Variants in FHOD3 observed in about 807,000 individuals in gnomAD.
The protein encoded by FHOD3 is FH1/FH2 domain-containing protein 3.
Under a neutral mutation model 173.0 loss-of-function variants are expected in FHOD3, and 90 were observed. The ratio of observed to expected loss-of-function variants is 0.52; its 90% CI spans 0.44 to 0.62. The LOEUF (loss-of-function observed/expected upper bound fraction) is 0.62, where lower values mean the gene tolerates loss of function less well. Among genes scored for constraint, FHOD3 ranks in the 20% least tolerant of loss-of-function variants. The pLI is 0.00. For synonymous variants in FHOD3, 828 were observed against 823.0 expected (o/e 1.01, Z -0.10); for missense variants, 1,945 against 2,034.7 (o/e 0.96, Z 0.85).
At chr18:36,573,117 T>C (rs539713964) in intron 5 of FHOD3, among the ~76,000 whole-genome samples, 1 of 151,626 alleles carries the variant, frequency 6.6e-6, no homozygotes, top group South Asian at 2.1e-4. Context: ...CAAAAGCATG[T>C]AACACCTCAC....
intron 1 of FHOD3, among the ~76,000 whole-genome samples, chr18:36,342,071 C>G (rs1337046215): frequency 1.3e-5 from 2 of 151,700 alleles, no homozygotes; most frequent in Non-Finnish European, 2.9e-5. Context: ...TTAGAAATGA[C>G]AAATACAAAA....
intron 4 of FHOD3, among the ~76,000 whole-genome samples, chr18:36,506,315 TAGCATGAAGGATGTTC>T (rs1156849289): frequency 1.7e-4 from 26 of 152,306 alleles, no homozygotes; most frequent in South Asian, 6.2e-4. Flanking sequence ...AAAAGCAGTT[TAGCATGAAGGATGTTC>T]AGCATGAAGG....
chr18:36,708,999 C>T (rs1600347277), intron 17 of FHOD3, 96 bp from the exon 18 acceptor site: 1 of 1,444,488 alleles, frequency 6.9e-7, no homozygotes, highest in East Asian at 2.3e-5. Flanking sequence ...GGACATCTGT[C>T]CACCACAGAG....
chr18:36,509,738 C>A (rs893367748), intron 4 of FHOD3, among the ~76,000 whole-genome samples: 1 of 152,160 alleles, frequency 6.6e-6, no homozygotes, highest in Non-Finnish European at 1.5e-5. Flanking sequence ...TTAAAGTTCT[C>A]TGATTTGAAA....
intron 5 of FHOD3, among the ~76,000 whole-genome samples, chr18:36,519,500 G>T (rs1465152204): frequency 6.6e-6 from 1 of 152,128 alleles, no homozygotes. Context: ...TGGTTTGGAG[G>T]CTCCTCGCTG....
chr18:36,385,102 C>T (rs1265640974), intron 3 of FHOD3, among the ~76,000 whole-genome samples: 1 of 152,176 alleles, frequency 6.6e-6, no homozygotes, highest in Non-Finnish European at 1.5e-5. Context: ...CTTCCATAAC[C>T]AGAACTGGAT....
chr18:36,453,923 C>G (rs1355108302), intron 3 of FHOD3, among the ~76,000 whole-genome samples: 1 of 152,200 alleles, frequency 6.6e-6, no homozygotes, highest in Non-Finnish European at 1.5e-5. Context: ...GACTCACATG[C>G]AGGTCCTCTT....
rs985847527 is a variant in FHOD3, at chr18:36,612,930, G to A, written c.957+835G>A. ...TTTAACTTACTAAAGAGTAAGAAAG[G>A]GCTGAAAGAAAAAGGATCTAGGAGC... On this transcript the variant is annotated intron_variant, in intron 9 of 28. Transcript: ENST00000590592. Among the ~76,000 whole-genome samples the A allele has an allele frequency of 3.9e-5, 6 of 152,136 alleles. No individual in the cohort carries two copies. In the South Asian group the frequency reaches 6.2e-4, roughly 16 times the overall value.
At chr18:36,476,051 T>A (rs1461612236) in intron 3 of FHOD3, among the ~76,000 whole-genome samples, 1 of 152,206 alleles carries the variant, frequency 6.6e-6, no homozygotes, top group Admixed American at 6.5e-5. Flanking sequence ...GTGATTATTA[T>A]TATATTGAAT....
intron 1 of FHOD3, among the ~76,000 whole-genome samples, chr18:36,298,507 C>A (rs1485674323): frequency 6.6e-6 from 1 of 152,154 alleles, no homozygotes; most frequent in Non-Finnish European, 1.5e-5. Context: ...CGACAAAGCA[C>A]GCTTCCCGGC....
intron 19 of FHOD3, 95 bp from the exon 20 acceptor site, chr18:36,730,551 C>A: frequency 7.8e-7 from 1 of 1,280,242 alleles, no homozygotes. Context: ...CATTTGTTTT[C>A]ATCTCTAAAT....
chr18:36,597,806 G>GA (rs34629227), intron 7 of FHOD3, among the ~76,000 whole-genome samples: 10,400 of 123,228 alleles, frequency 0.084, 397 homozygotes, highest in African/African-American at 0.11. Context: ...ACTAGCAGCT[G>GA]AAAAAAAAAA....
intron 1 of FHOD3, among the ~76,000 whole-genome samples, chr18:36,326,852 C>T (rs753849960): frequency 3.3e-5 from 5 of 152,150 alleles, no homozygotes; most frequent in South Asian, 2.1e-4. Context: ...GTCCAAAGAA[C>T]GTCGTTGGCT....
intron 8 of FHOD3, among the ~76,000 whole-genome samples, chr18:36,605,445 T>A (rs542586244): frequency 5.3e-5 from 8 of 152,366 alleles, no homozygotes; most frequent in Non-Finnish European, 1.2e-4. Flanking sequence ...TTACTCTTTC[T>A]CTTCTGGCAG....
chr18:36,379,888 T>A (rs912973724), intron 3 of FHOD3, among the ~76,000 whole-genome samples: 1 of 152,212 alleles, frequency 6.6e-6, no homozygotes, highest in Non-Finnish European at 1.5e-5. Context: ...AACAAAATGC[T>A]TTGTCTTATT....
chr18:36,774,941 C>G (rs1299028084), intron 28 of FHOD3, among the ~76,000 whole-genome samples: 1 of 152,122 alleles, frequency 6.6e-6, no homozygotes, highest in Non-Finnish European at 1.5e-5. Flanking sequence ...TGTAGAACAT[C>G]CTTCCATTTG....
At chr18:36,633,992 T>C (rs910363493) in intron 10 of FHOD3, among the ~76,000 whole-genome samples, 22 of 152,190 alleles carry the variant, frequency 1.4e-4, no homozygotes, top group African/African-American at 5.1e-4. Context: ...ACCACTACCT[T>C]GGCGATGGAG....
At chr18:36,645,476 A>G (rs977332905) in intron 10 of FHOD3, among the ~76,000 whole-genome samples, 6 of 152,084 alleles carry the variant, frequency 3.9e-5, no homozygotes, top group African/African-American at 9.7e-5. Context: ...GGCTTCTGCC[A>G]TGACAGGAGG....
chr18:36,716,062 A>C (rs2040431953), intron 18 of FHOD3, among the ~76,000 whole-genome samples: 2 of 152,240 alleles, frequency 1.3e-5, no homozygotes, highest in African/African-American at 4.8e-5. Context: ...AGGCCTTGTG[A>C]ACGTCATGTC....
Sources: allele counts gnomAD v4.1 joint callset (sites outside exome capture counted in the v4.1 genomes callset), GRCh38; gene constraint gnomAD v4.1.1; transcripts MANE v1.5; gene names NCBI Gene and HGNC (gene_info 2026-07-23, HGNC 2026-07-21).